The following OXR1 variants were observed in gnomAD, a reference collection of about 807,000 sequenced individuals.
OXR1 encodes oxidation resistance 1, also known as oxidation resistance protein 1.
OXR1 carries 41 observed loss-of-function variants against 104.6 expected under a neutral mutation model. The observed-to-expected ratio is 0.39, with a 90% CI of 0.31 to 0.51. The LOEUF (loss-of-function observed/expected upper bound fraction) is 0.51. OXR1 is among the 20% of genes least tolerant of loss of function. The probability of loss-of-function intolerance (pLI) is 0.77; values close to 1 mark genes in which losing one functional copy is unlikely to be tolerated. For missense variants in OXR1, 955 were observed against 1,031.9 expected, an observed-to-expected ratio of 0.93 and a Z score of 1.02; for synonymous variants, 348 against 348.4, an observed-to-expected ratio of 1.00 and a Z score of 0.01.
intron 3 of OXR1, among the ~76,000 whole-genome samples, chr8:106,564,416 C>G (rs2130515655): frequency 6.6e-6 from 1 of 152,112 alleles, no homozygotes; most frequent in African/African-American, 2.4e-5. Flanking sequence ...CACATACACA[C>G]ACACACCCCC....
intron 3 of OXR1, among the ~76,000 whole-genome samples, chr8:106,662,325 A>C (rs943970154): frequency 6.6e-6 from 1 of 152,216 alleles, no homozygotes; most frequent in Non-Finnish European, 1.5e-5. Context: ...GAATTATTTG[A>C]CATGTCAAGG....
intron 1 of OXR1, among the ~76,000 whole-genome samples, chr8:106,326,205 G>A (rs190841609): frequency 5.3e-5 from 8 of 152,230 alleles, no homozygotes; most frequent in East Asian, 1.9e-4. Flanking sequence ...CCTCTCACTC[G>A]TCCAAGAAGC....
In OXR1 at chr8:106,752,432, A is replaced by G. The variant is rs1370317544; in HGVS notation, c.*1491A>G. ...AAAGAAAATCTGATGTTCTATTATA[A>G]TATGCTATTGCTGAATATGAATAGA... On this transcript the variant is annotated 3_prime_UTR_variant, in exon 17 of 17. Coordinates refer to ENST00000517566, the MANE Select transcript of OXR1 (RefSeq NM_001198533.2). 6.6e-6 allele frequency: 1 copy of G among 152,522 alleles called. No homozygotes were observed. The highest frequency in any genetic ancestry group is 2.4e-5 in the African/African-American group (1 of 41,456). 9.4% of individuals were successfully genotyped at this position (152,522 alleles called of 1,614,324 possible).
chr8:106,294,395 C>CAAA (rs1200997871), intron 1 of OXR1, among the ~76,000 whole-genome samples: 5 of 70,368 alleles, frequency 7.1e-5, no homozygotes, highest in Non-Finnish European at 7.9e-5. Context: ...GACTCTGTCT[C>CAAA]AAAAAAAAAA....
intron 3 of OXR1, among the ~76,000 whole-genome samples, chr8:106,560,835 G>A (rs1457539819): frequency 6.6e-6 from 1 of 152,218 alleles, no homozygotes; most frequent in African/African-American, 2.4e-5. Flanking sequence ...AGACTAGTTA[G>A]ACAATGGGTG....
intron 3 of OXR1, among the ~76,000 whole-genome samples, chr8:106,554,488 A>G (rs1159744730): frequency 1.3e-5 from 2 of 152,216 alleles, no homozygotes; most frequent in Admixed American, 1.3e-4. Flanking sequence ...GTAATATTCA[A>G]ATAAGACCGG....
intron 2 of OXR1, among the ~76,000 whole-genome samples, chr8:106,437,479 A>C (rs1819624604): frequency 6.6e-6 from 1 of 152,136 alleles, no homozygotes; most frequent in African/African-American, 2.4e-5. Context: ...CTTTATCAAC[A>C]ACTCACAATC....
chr8:106,346,611 G>A (rs1327978017), intron 1 of OXR1, among the ~76,000 whole-genome samples: 1 of 151,704 alleles, frequency 6.6e-6, no homozygotes, highest in Non-Finnish European at 1.5e-5. Flanking sequence ...ACATCAGCAT[G>A]AATATCTGAA....
At chr8:106,301,603 A>G (rs1272419253) in intron 1 of OXR1, among the ~76,000 whole-genome samples, 1 of 152,176 alleles carries the variant, frequency 6.6e-6, no homozygotes, top group East Asian at 1.9e-4. Context: ...TCAAGACACC[A>G]TTGATTGTAA....
intron 3 of OXR1, among the ~76,000 whole-genome samples, chr8:106,666,662 A>G (rs754898016): frequency 1.3e-4 from 20 of 152,286 alleles, no homozygotes; most frequent in Non-Finnish European, 2.8e-4. Flanking sequence ...CGTCAGGAAT[A>G]AGGGGTATTA....
At chr8:106,289,509 G>A (rs1812655397) in intron 1 of OXR1, among the ~76,000 whole-genome samples, 1 of 152,178 alleles carries the variant, frequency 6.6e-6, no homozygotes. Context: ...GAAGAAATCA[G>A]AGATGATACA....
chr8:106,399,664 A>G (rs1817922710), intron 2 of OXR1, among the ~76,000 whole-genome samples: 1 of 152,198 alleles, frequency 6.6e-6, no homozygotes, highest in Non-Finnish European at 1.5e-5. Flanking sequence ...GATTCTAGGA[A>G]ATGTAATTCC....
intron 1 of OXR1, among the ~76,000 whole-genome samples, chr8:106,303,248 C>CTT (rs1164596413): frequency 6.8e-3 from 626 of 92,298 alleles, no homozygotes; most frequent in East Asian, 9.3e-3. Flanking sequence ...TTTTTTCTTT[C>CTT]TTTTTTTTTT....
intron 6 of OXR1, among the ~76,000 whole-genome samples, chr8:106,686,199 A>G (rs541509823): frequency 2.8e-4 from 43 of 152,068 alleles, no homozygotes; most frequent in Admixed American, 2.8e-3. Flanking sequence ...TGATGGGTGC[A>G]CCAAAATCTC....
rs550594952 is a variant in OXR1 at position 106,570,645 on chromosome 8, T to G, written c.220+51506T>G. 4.6e-5 allele frequency among the ~76,000 whole-genome samples: 7 copies of G among 152,284 alleles called. No individual in the cohort carries two copies. In the South Asian group the frequency reaches 1.4e-3, roughly 32 times the overall value. On this transcript the variant is annotated intron_variant, in intron 3 of 16. Transcript: ENST00000517566. ...TCCATCCTGTGAGAAGGACCCTTTT[T>G]CATGCTGTCTTCATTTCCTGACTCT...
intron 3 of OXR1, chr8:106,657,625 A>C: frequency 6.1e-6 from 1 of 163,374 alleles, no homozygotes; most frequent in Non-Finnish European, 1.3e-5. Flanking sequence ...GGGTGGGGGA[A>C]TGCGCTGAGA....
In OXR1 at chr8:106,702,713, A is replaced by G. The variant is rs148132201; in HGVS notation, c.676-193A>G. Among the ~76,000 whole-genome samples, 400 of 152,174 alleles carry G rather than the reference A, an allele frequency of 2.6e-3. 4 individuals are homozygous for G. The highest frequency in any genetic ancestry group is 8.8e-3 in the African/African-American group (366 of 41,502). ...TGTCTTTGGGGAAATATGATATTCTACCTCTCCTAAAGAGGAGAATTTACT... is the reference window on the plus strand; with the variant it reads ...TGTCTTTGGGGAAATATGATATTCTGCCTCTCCTAAAGAGGAGAATTTACT... On this transcript the variant is annotated intron_variant, in intron 7 of 16. Coordinates refer to ENST00000517566, the MANE Select transcript of OXR1 (RefSeq NM_001198533.2).
At chr8:106,727,112 C>T (rs1454508805) in intron 11 of OXR1, among the ~76,000 whole-genome samples, 2 of 151,930 alleles carry the variant, frequency 1.3e-5, no homozygotes, top group Non-Finnish European at 2.9e-5. Flanking sequence ...TATGTTACAT[C>T]AGCACAGAGG....
At chr8:106,669,396 GA>G (rs1826692088) in intron 3 of OXR1, among the ~76,000 whole-genome samples, 1 of 152,094 alleles carries the variant, frequency 6.6e-6, no homozygotes, top group Admixed American at 6.5e-5. Flanking sequence ...GTAGTATCTA[GA>G]AAAAGATAGA....
Sources: allele counts gnomAD v4.1 joint callset (sites outside exome capture counted in the v4.1 genomes callset), GRCh38; gene constraint gnomAD v4.1.1; transcripts MANE v1.5; gene names NCBI Gene and HGNC (gene_info 2026-07-23, HGNC 2026-07-21).